RALGAPA1: variants seen among roughly 807,000 people sequenced by gnomAD.
The protein encoded by RALGAPA1 is ral GTPase-activating protein subunit alpha-1.
Under a neutral mutation model 269.6 loss-of-function variants are expected in RALGAPA1, and 52 were observed. The ratio of observed to expected loss-of-function variants is 0.19; its 90% CI spans 0.15 to 0.24. The LOEUF (loss-of-function observed/expected upper bound fraction) is 0.24, where lower values mean the gene tolerates loss of function less well. Ranked by LOEUF, RALGAPA1 falls within the 10% of genes least tolerant of loss-of-function variation. The pLI, the probability that RALGAPA1 is intolerant of heterozygous loss-of-function variation, is 1.00. For missense variants in RALGAPA1, 1,917 were observed against 3,013.9 expected, an observed-to-expected ratio of 0.64 and a Z score of 8.52; for synonymous variants, 817 against 1,008.3, an observed-to-expected ratio of 0.81 and a Z score of 3.60.
chr14:35,692,628 A>T (rs1227152671), intron 17 of RALGAPA1, among the ~76,000 whole-genome samples: 1 of 151,866 alleles, frequency 6.6e-6, no homozygotes, highest in African/African-American at 2.4e-5. Flanking sequence ...CGGAGAATTT[A>T]AATTTAAACA....
At chr14:35,676,291 A>C (rs764970620) in intron 22 of RALGAPA1, 1 of 151,940 alleles carries the variant, frequency 6.6e-6, no homozygotes, top group Non-Finnish European at 1.5e-5. Context: ...AGTTCACTGC[A>C]ACCTCCACAT....
intron 26 of RALGAPA1, among the ~76,000 whole-genome samples, chr14:35,669,021 G>T (rs891658284): frequency 1.3e-5 from 2 of 151,838 alleles, no homozygotes; most frequent in Admixed American, 6.6e-5. Flanking sequence ...CCTCTGCCTG[G>T]AACACTGTCT....
chr14:35,618,677 G>A (rs1203785726), intron 35 of RALGAPA1, among the ~76,000 whole-genome samples: 1 of 152,010 alleles, frequency 6.6e-6, no homozygotes, highest in Non-Finnish European at 1.5e-5. Context: ...TGTAGATAAT[G>A]ATTATATATC....
At chr14:35,680,549 A>G in intron 21 of RALGAPA1, among the ~76,000 whole-genome samples, 1 of 152,084 alleles carries the variant, frequency 6.6e-6, no homozygotes, top group East Asian at 1.9e-4. Context: ...CAGCTATCAC[A>G]GAATCACCAG....
intron 37 of RALGAPA1, among the ~76,000 whole-genome samples, chr14:35,586,452 G>A (rs1459729396): frequency 1.3e-5 from 2 of 152,128 alleles, no homozygotes; most frequent in African/African-American, 2.4e-5. Context: ...TCTTTCTCCT[G>A]CCTGATTGCC....
chr14:35,613,338 TC>T (rs1295308597), intron 35 of RALGAPA1, among the ~76,000 whole-genome samples: 1 of 152,176 alleles, frequency 6.6e-6, no homozygotes, highest in East Asian at 1.9e-4. Context: ...TGCCTTGGCC[TC>T]CCAAAGTGCT....
At chr14:35,579,489 T>C (rs1342403892) in intron 37 of RALGAPA1, among the ~76,000 whole-genome samples, 1 of 151,272 alleles carries the variant, frequency 6.6e-6, no homozygotes, top group African/African-American at 2.4e-5. Flanking sequence ...ACGCCTGTAG[T>C]CCCAGCTACT....
At chr14:35,666,426 T>C (rs1412996970) in intron 26 of RALGAPA1, among the ~76,000 whole-genome samples, 6 of 152,184 alleles carry the variant, frequency 3.9e-5, no homozygotes, top group Non-Finnish European at 8.8e-5. Flanking sequence ...AGTTTCACCA[T>C]GTTGGCCAGG....
At chr14:35,690,418 T>C (rs1373201961) in intron 17 of RALGAPA1, among the ~76,000 whole-genome samples, 1 of 152,202 alleles carries the variant, frequency 6.6e-6, no homozygotes. Flanking sequence ...TAGACTCTTA[T>C]AGGGTCTAAT....
rs200211363 is a variant in RALGAPA1 at position 35,721,819 on chromosome 14, A to T, written c.2135T>A (p.Val712Asp). 9 of 1,613,564 alleles carry T rather than the reference A, an allele frequency of 5.6e-6. No homozygotes were observed. The highest frequency in any genetic ancestry group is 7.6e-6 in the Non-Finnish European group (9 of 1,179,636). ...CCATCCTCTAGAAAATGACTTGTCA[A>T]CTGAAACTTTCTGAAATTCATGTCC... is the stretch of plus-strand genomic sequence containing the variant. ...GVGHEFQKVS[V>D]DKSFSRGWSR... The change falls in exon 16 of 42, where the codon GTT (valine) becomes GAT (aspartate). Residue 712 changes from valine to aspartate, a missense_variant. Transcript: ENST00000680220.
At chr14:35,765,854 C>G in intron 4 of RALGAPA1, 2 of 725,214 alleles carry the variant, frequency 2.8e-6, no homozygotes, top group South Asian at 3.3e-5. Flanking sequence ...ATAGTAGTTC[C>G]GAAATTGTTG....
In RALGAPA1 at chr14:35,539,639, T is replaced by G. The variant is rs771099748; in HGVS notation, c.*75A>C. Reference sequence around the variant, plus strand: ...CATTGGAGAGGCCAGGTCAGCCCCATCTACCTGCGTTGCTGTGGGAGTTTC... The same window carrying G: ...CATTGGAGAGGCCAGGTCAGCCCCAGCTACCTGCGTTGCTGTGGGAGTTTC... On this transcript the variant is annotated 3_prime_UTR_variant, in exon 42 of 42. Transcript: ENST00000680220. The G allele has an allele frequency of 3.7e-6, 6 of 1,614,116 alleles. No homozygotes were observed. The highest frequency in any genetic ancestry group is 5.1e-6 in the Non-Finnish European group (6 of 1,180,022).
At chr14:35,553,121 C>A (rs143835734) in intron 39 of RALGAPA1, among the ~76,000 whole-genome samples, 1 of 152,238 alleles carries the variant, frequency 6.6e-6, no homozygotes, top group African/African-American at 2.4e-5. Context: ...ATAAAGGATA[C>A]AAATACGGGG....
At chr14:35,626,810 T>A (rs953216333) in intron 34 of RALGAPA1, among the ~76,000 whole-genome samples, 5 of 151,880 alleles carry the variant, frequency 3.3e-5, no homozygotes, top group Admixed American at 2.6e-4. Context: ...AAAAAAAAAA[T>A]TATTAGGCTT....
chr14:35,740,249 T>C (rs6571728), intron 11 of RALGAPA1, among the ~76,000 whole-genome samples: 23,098 of 152,100 alleles, frequency 0.15, 3,204 homozygotes, highest in East Asian at 0.37. Context: ...CCAGAAGTTA[T>C]GTGAAGGTAG....
chr14:35,559,144 T>C (rs1460395581), intron 39 of RALGAPA1, among the ~76,000 whole-genome samples: 2 of 152,160 alleles, frequency 1.3e-5, no homozygotes, highest in African/African-American at 4.8e-5. Context: ...TCTATTCTAG[T>C]GTTTGAGAGG....
intron 1 of RALGAPA1, among the ~76,000 whole-genome samples, chr14:35,802,772 C>T (rs1217215126): frequency 6.6e-6 from 1 of 151,940 alleles, no homozygotes; most frequent in East Asian, 1.9e-4. Flanking sequence ...ACCTCGACCT[C>T]CCAGGCCCAG....
At chr14:35,664,338 T>G (rs544379009) in intron 27 of RALGAPA1, among the ~76,000 whole-genome samples, 1 of 152,314 alleles carries the variant, frequency 6.6e-6, no homozygotes, top group African/African-American at 2.4e-5. Context: ...CTCAGAAGCT[T>G]TACATTAGTA....
chr14:35,725,799 G>A (rs1236686567), intron 13 of RALGAPA1, among the ~76,000 whole-genome samples: 1 of 151,838 alleles, frequency 6.6e-6, no homozygotes, highest in African/African-American at 2.4e-5. Context: ...CTAGGAGTTT[G>A]AGTCTGCAGT....
Sources: allele counts gnomAD v4.1 joint callset (sites outside exome capture counted in the v4.1 genomes callset), GRCh38; gene constraint gnomAD v4.1.1; transcripts MANE v1.5; gene names NCBI Gene and HGNC (gene_info 2026-07-23, HGNC 2026-07-21).